The following SPTLC3 variants were observed in gnomAD, a reference collection of about 807,000 sequenced individuals.
The protein encoded by SPTLC3 is serine palmitoyltransferase 3.
Under a neutral mutation model 59.3 loss-of-function variants are expected in SPTLC3, and 36 were observed. That is an observed-to-expected ratio of 0.61 (90% CI 0.47 to 0.80). The LOEUF is 0.80. Ranked by LOEUF, SPTLC3 falls within the 30% of genes least tolerant of loss-of-function variation. The pLI, the probability that SPTLC3 is intolerant of heterozygous loss-of-function variation, is 0.00. For missense variants in SPTLC3, 625 were observed against 685.1 expected (o/e 0.91, Z 0.98); for synonymous variants, 257 against 240.8 (o/e 1.07, Z -0.62).
intron 2 of SPTLC3, among the ~76,000 whole-genome samples, chr20:13,059,936 C>T (rs1422953911): frequency 6.6e-6 from 1 of 152,120 alleles, no homozygotes; most frequent in African/African-American, 2.4e-5. Flanking sequence ...CTCAAGATAG[C>T]CCTTGGTGCT....
At chr20:13,040,483 C>T (rs1001777047) in intron 1 of SPTLC3, among the ~76,000 whole-genome samples, 4 of 152,026 alleles carry the variant, frequency 2.6e-5, no homozygotes, top group African/African-American at 9.7e-5. Flanking sequence ...CTCAGCCTCC[C>T]AAGTAGCTGG....
chr20:13,133,888 C>A (rs1296709954), intron 9 of SPTLC3, among the ~76,000 whole-genome samples: 3 of 152,208 alleles, frequency 2.0e-5, no homozygotes, highest in African/African-American at 4.8e-5. Flanking sequence ...CCCCACCTGG[C>A]AACCTTTATT....
rs1985079036 is a variant in SPTLC3, at chr20:13,008,989, A to T, written c.-279A>T. 1 of 297,950 alleles carries T rather than the reference A, an allele frequency of 3.4e-6. No individual in the cohort carries two copies. The allele number at this position is 297,950 out of a possible 1,614,324, so 18.5% of individuals were successfully genotyped here. ...GTTCCCTCAGTCCCCAGAAGGAGCC[A>T]GCATGGACAATCTCCTTTACAGTTT... On this transcript the variant is annotated 5_prime_UTR_variant, in exon 1 of 12. Transcript: ENST00000399002.
At chr20:13,141,315 A>C (rs2038378441) in intron 9 of SPTLC3, among the ~76,000 whole-genome samples, 1 of 152,196 alleles carries the variant, frequency 6.6e-6, no homozygotes, top group Non-Finnish European at 1.5e-5. Flanking sequence ...CTCCTCACTC[A>C]AATTCTGTCT....
intron 1 of SPTLC3, among the ~76,000 whole-genome samples, chr20:13,015,519 C>T (rs1985483300): frequency 6.6e-6 from 1 of 152,104 alleles, no homozygotes; most frequent in African/African-American, 2.4e-5. Flanking sequence ...AGTGGAAAGG[C>T]ATACAACACA....
chr20:13,080,447 G>A (rs1988800532), intron 4 of SPTLC3, among the ~76,000 whole-genome samples: 1 of 145,544 alleles, frequency 6.9e-6, no homozygotes, highest in South Asian at 2.2e-4. Flanking sequence ...GTCAGAGGTT[G>A]CAGTGAGCCG....
At chr20:13,159,970 C>CTA in intron 10 of SPTLC3, 33 bp from the exon 11 acceptor site, 2 of 1,163,930 alleles carry the variant, frequency 1.7e-6, no homozygotes, top group South Asian at 3.5e-5. Flanking sequence ...CAACTAACCA[C>CTA]TTTTTTTTTT....
chr20:13,033,094 T>C (rs190399050), intron 1 of SPTLC3, among the ~76,000 whole-genome samples: 31 of 152,274 alleles, frequency 2.0e-4, no homozygotes, highest in East Asian at 1.9e-4. Flanking sequence ...AGACCTTGAT[T>C]TGAATTTTGA....
chr20:13,019,083 G>A (rs1273546543), intron 1 of SPTLC3, among the ~76,000 whole-genome samples: 1 of 152,242 alleles, frequency 6.6e-6, no homozygotes, highest in Non-Finnish European at 1.5e-5. Flanking sequence ...TCTGAGCCCA[G>A]CGGAGTTTCA....
chr20:13,134,159 A>T (rs569027934), intron 9 of SPTLC3, among the ~76,000 whole-genome samples: 1 of 152,346 alleles, frequency 6.6e-6, no homozygotes, highest in African/African-American at 2.4e-5. Context: ...CTGACACATC[A>T]TAGGCCTTCA....
intron 7 of SPTLC3, among the ~76,000 whole-genome samples, chr20:13,111,344 A>G (rs1358510881): frequency 6.6e-6 from 1 of 152,134 alleles, no homozygotes; most frequent in Non-Finnish European, 1.5e-5. Context: ...CTCCAGGGTG[A>G]GCTTGTCCTT....
rs144787868 is a variant in SPTLC3, at chr20:13,149,872, G to T, written c.1280-4131G>T. On this transcript the variant is annotated intron_variant, in intron 9 of 11. Transcript: ENST00000399002. ...ATGATAGATGAATCTTTATAGGCAA[G>T]CGCAAAGATAATGCCGTTGGGAAAA... 2.8e-3 allele frequency among the ~76,000 whole-genome samples: 432 copies of T among 152,290 alleles called. 8 individuals carry two copies. Among genetic ancestry groups the T allele is most frequent in the African/African-American group, 9.9e-3 (413 of 41,544 alleles).
intron 2 of SPTLC3, among the ~76,000 whole-genome samples, chr20:13,057,822 T>C (rs1245505371): frequency 2.0e-5 from 3 of 152,200 alleles, no homozygotes; most frequent in Non-Finnish European, 2.9e-5. Context: ...CAAAAGTCCC[T>C]AGATAATTTA....
intron 1 of SPTLC3, among the ~76,000 whole-genome samples, chr20:13,048,201 A>G (rs906758335): frequency 1.5e-5 from 2 of 131,872 alleles, no homozygotes; most frequent in Non-Finnish European, 3.4e-5. Context: ...TTTGAGACCT[A>G]CAAATACATA....
chr20:13,081,162 T>A (rs1401752944), intron 4 of SPTLC3, among the ~76,000 whole-genome samples: 3 of 152,138 alleles, frequency 2.0e-5, no homozygotes, highest in African/African-American at 7.2e-5. Flanking sequence ...CCCTCCCGCC[T>A]TTGCCACAAG....
At chr20:13,156,522 G>T (rs1361896550) in intron 10 of SPTLC3, among the ~76,000 whole-genome samples, 1 of 152,140 alleles carries the variant, frequency 6.6e-6, no homozygotes, top group Non-Finnish European at 1.5e-5. Context: ...GCTTTCTGAA[G>T]CTCCAGTTTT....
intron 4 of SPTLC3, among the ~76,000 whole-genome samples, chr20:13,080,748 A>G (rs1314731918): frequency 6.6e-6 from 1 of 152,194 alleles, no homozygotes; most frequent in Non-Finnish European, 1.5e-5. Context: ...AAAAGCAGCC[A>G]TTTAACTTTG....
At chr20:13,087,525 C>T (rs369694034) in intron 4 of SPTLC3, among the ~76,000 whole-genome samples, 15 of 152,328 alleles carry the variant, frequency 9.8e-5, no homozygotes, top group East Asian at 7.7e-4. Flanking sequence ...ATTTGATCTT[C>T]TTCCCTGTGC....
chr20:13,143,306 A>G (rs2038429077), intron 9 of SPTLC3, among the ~76,000 whole-genome samples: 1 of 152,176 alleles, frequency 6.6e-6, no homozygotes, highest in Non-Finnish European at 1.5e-5. Flanking sequence ...ATAGTTTTCA[A>G]TATTTGTGAA....
Sources: allele counts gnomAD v4.1 joint callset (sites outside exome capture counted in the v4.1 genomes callset), GRCh38; gene constraint gnomAD v4.1.1; transcripts MANE v1.5; gene names NCBI Gene and HGNC (gene_info 2026-07-23, HGNC 2026-07-21).